MRTFB: variants seen among roughly 807,000 people sequenced by gnomAD.
MRTFB encodes the protein myocardin-related transcription factor B.
In MRTFB, 29 loss-of-function variants were observed where a neutral mutation model predicts 104.2. That is an observed-to-expected ratio of 0.28 (90% CI 0.21 to 0.38). The LOEUF (loss-of-function observed/expected upper bound fraction) is 0.38, where lower values mean the gene tolerates loss of function less well. Ranked by LOEUF, MRTFB falls within the 10% of genes least tolerant of loss-of-function variation. The probability of loss-of-function intolerance (pLI) is 1.00; values close to 1 mark genes in which losing one functional copy is unlikely to be tolerated. For synonymous variants in MRTFB, 535 were observed against 519.5 expected (o/e 1.03, Z -0.41); for missense variants, 1,270 against 1,341.6 (o/e 0.95, Z 0.83).
the MRTFB span, among the ~76,000 whole-genome samples, chr16:14,022,932 A>G: frequency 6.6e-6 from 1 of 151,896 alleles, no homozygotes; most frequent in African/African-American, 2.4e-5. Flanking sequence ...CCCGACCTCA[A>G]GTGACCACCG....
chr16:14,041,910 G>C, the MRTFB span, among the ~76,000 whole-genome samples: 1 of 152,158 alleles, frequency 6.6e-6, no homozygotes, highest in Non-Finnish European at 1.5e-5. Flanking sequence ...TGGGCAACAA[G>C]AGCTAAACTC....
At chr16:14,109,844 A>G (rs1050179523) in intron 2 of MRTFB, among the ~76,000 whole-genome samples, 2 of 152,204 alleles carry the variant, frequency 1.3e-5, no homozygotes, top group African/African-American at 2.4e-5. Flanking sequence ...TTGTCAGTAG[A>G]GTACTATGAG....
chr16:14,250,714 C>T (rs1261913462), intron 13 of MRTFB, among the ~76,000 whole-genome samples: 1 of 152,156 alleles, frequency 6.6e-6, no homozygotes, highest in Non-Finnish European at 1.5e-5. Flanking sequence ...GCCTTGAGAA[C>T]ACGTTGTGGC....
chr16:14,050,292 T>C, the MRTFB span, among the ~76,000 whole-genome samples: 12 of 152,178 alleles, frequency 7.9e-5, no homozygotes, highest in Non-Finnish European at 1.2e-4. Context: ...TTTTGTAAAA[T>C]AGAAATTAAA....
chr16:14,067,045 C>T (rs548980904), upstream of MRTFB, among the ~76,000 whole-genome samples: 4 of 152,186 alleles, frequency 2.6e-5, no homozygotes, highest in African/African-American at 7.2e-5. Context: ...ACCCCTTCCC[C>T]ATGAGGATCA....
the MRTFB span, among the ~76,000 whole-genome samples, chr16:14,038,804 C>G: frequency 7.9e-5 from 12 of 152,140 alleles, no homozygotes; most frequent in African/African-American, 2.9e-4. Context: ...ATACCTGAGA[C>G]AGTGTAATTT....
At chr16:14,033,471 C>T in the MRTFB span, among the ~76,000 whole-genome samples, 1 of 151,842 alleles carries the variant, frequency 6.6e-6, no homozygotes, top group Admixed American at 6.6e-5. Context: ...TGCTTGAGCC[C>T]AGGATATTGC....
At chr16:14,061,446 T>C in the MRTFB span, among the ~76,000 whole-genome samples, 47 of 151,916 alleles carry the variant, frequency 3.1e-4, no homozygotes, top group Non-Finnish European at 4.9e-4. Flanking sequence ...CCAGGTTCTA[T>C]GAAGCTGGCA....
rs568587954 is a variant in MRTFB, at chr16:14,177,438, G to A, written c.155-32805G>A. ...CCATTACTCCCTGTTGAGTGTTTTG[G>A]GTTTTGTTTGTTTGTTTTTTAATCT... On this transcript the variant is annotated intron_variant, in intron 3 of 16. Transcript: ENST00000571589. The surrounding 1 kb of genome is among the most constrained non-coding windows in gnomAD (Gnocchi z 4.7). 6.6e-6 allele frequency among the ~76,000 whole-genome samples: 1 copy of A among 152,102 alleles called. No homozygotes were observed. Among genetic ancestry groups the A allele is most frequent in the Non-Finnish European group, 1.5e-5 (1 of 68,004 alleles).
rs1169693418 is a variant in MRTFB, at chr16:14,252,158, G to A, written c.2565+135G>A. On this transcript the variant is annotated intron_variant, in intron 14 of 16. Coordinates refer to ENST00000571589, the MANE Select transcript of MRTFB (RefSeq NM_001308142.2). Reference sequence around the variant, plus strand: ...TGAAAATACAGTGATAACTTGTGAAGGAGGAGCTCAGCTATTATCACAGTG... The same window carrying A: ...TGAAAATACAGTGATAACTTGTGAAAGAGGAGCTCAGCTATTATCACAGTG... The A allele has an allele frequency of 1.0e-5, 13 of 1,240,852 alleles. No homozygotes were observed. The East Asian group carries it at 3.1e-4, about 29-fold the overall frequency. The allele number at this position is 1,240,852 out of a possible 1,614,324, so 76.9% of individuals were successfully genotyped here. A position where few individuals can be genotyped will look rare whatever the true frequency, so the allele number is the denominator to read the frequency against.
chr16:14,151,477 C>G (rs2038611927), intron 3 of MRTFB: 1 of 152,164 alleles, frequency 6.6e-6, no homozygotes, highest in African/African-American at 2.4e-5. Context: ...CAAGGGTCAA[C>G]TGTGTTTTAA....
chr16:14,005,561 G>C, the MRTFB span, among the ~76,000 whole-genome samples: 3 of 152,202 alleles, frequency 2.0e-5, no homozygotes, highest in Non-Finnish European at 4.4e-5. Context: ...TAATTGTTGA[G>C]AGGCCATGCT....
chr16:14,024,081 C>T, the MRTFB span, among the ~76,000 whole-genome samples: 1 of 151,994 alleles, frequency 6.6e-6, no homozygotes, highest in African/African-American at 2.4e-5. Flanking sequence ...CCTGGTGCAT[C>T]GTGGCAGCTG....
intron 10 of MRTFB, 50 bp downstream of exon 10, chr16:14,240,534 TA>T (rs778210305): frequency 6.2e-7 from 1 of 1,614,018 alleles, no homozygotes; most frequent in Non-Finnish European, 8.5e-7. Flanking sequence ...TGTGGTTTTT[TA>T]TGAGGAACTA....
chr16:14,063,099 A>T, the MRTFB span, among the ~76,000 whole-genome samples: 1 of 152,192 alleles, frequency 6.6e-6, no homozygotes, highest in African/African-American at 2.4e-5. Context: ...TTACAGATAC[A>T]ACGCTGTCTC....
At chr16:14,084,162 G>C (rs966943409) in intron 2 of MRTFB, among the ~76,000 whole-genome samples, 4 of 152,202 alleles carry the variant, frequency 2.6e-5, no homozygotes, top group Non-Finnish European at 5.9e-5. Context: ...TAGGTCAACT[G>C]ACTGTTACTA....
the MRTFB span, among the ~76,000 whole-genome samples, chr16:14,005,542 G>A: frequency 6.6e-5 from 10 of 152,158 alleles, no homozygotes; most frequent in African/African-American, 2.4e-4. Context: ...AAAGCCCAGA[G>A]GTATTTAGTA....
At chr16:14,124,414 C>T (rs2037005249) in intron 2 of MRTFB, among the ~76,000 whole-genome samples, 1 of 152,090 alleles carries the variant, frequency 6.6e-6, no homozygotes, top group African/African-American at 2.4e-5. Context: ...TCATAAGTAG[C>T]TCTTACTATT....
the MRTFB span, among the ~76,000 whole-genome samples, chr16:14,046,608 C>T: frequency 6.6e-6 from 1 of 152,108 alleles, no homozygotes; most frequent in Non-Finnish European, 1.5e-5. Flanking sequence ...GTGTCAGCAT[C>T]TCTCCCCTGC....
Sources: gnomAD v4.1 joint callset for allele counts (sites outside exome capture counted in the v4.1 genomes callset) on GRCh38, gnomAD v4.1.1 for gene constraint, Gnocchi (gnomAD v3.1) non-coding constraint, MANE v1.5 for transcripts, NCBI Gene and HGNC (gene_info 2026-07-23, HGNC 2026-07-21) for gene names.